SIGLEC5: variants seen among roughly 807,000 people sequenced by gnomAD.
SIGLEC5 encodes sialic acid binding Ig like lectin 5.
In SIGLEC5, 34 loss-of-function variants were observed where a neutral mutation model predicts 45.9. The ratio of observed to expected loss-of-function variants is 0.74; its 90% confidence interval spans 0.56 to 0.99. SIGLEC5 has a LOEUF of 0.99. SIGLEC5 is among the 50% of genes least tolerant of loss of function. SIGLEC5 has a pLI of 0.00. For synonymous variants in SIGLEC5, 203 were observed against 258.6 expected, an observed-to-expected ratio of 0.79 and a Z score of 2.06; for missense variants, 508 against 629.6, an observed-to-expected ratio of 0.81 and a Z score of 2.07.
At position 51,611,601 on chromosome 19, in the gene SIGLEC5, T is replaced by G. The variant is rs1288570555; in HGVS notation, c.*630A>C. On this transcript the variant is annotated 3_prime_UTR_variant, in exon 9 of 9. Transcript: ENST00000683636. ...AAAGAGTTAGACTCAACTCTTTGGC[T>G]GTTGGAAGGATTCCTATGGGTCTCA... Among the ~76,000 whole-genome samples the G allele has an allele frequency of 1.3e-5, 2 of 152,170 alleles. No homozygotes were observed. Among genetic ancestry groups the G allele is most frequent in the African/African-American group, 4.8e-5 (2 of 41,434 alleles).
rs1257244892 is a variant in SIGLEC5, at chr19:51,626,135, G to C, written c.1383-22C>G. 3.7e-6 allele frequency: 6 copies of C among 1,603,558 alleles called. No homozygotes were observed. In the African/African-American group the frequency reaches 5.4e-5, roughly 14 times the overall value. ...CACTCTAAGGAAAGAAACCAGCACA[G>C]TGCAGCTGGGACCACCCAGGCACGG... is the stretch of plus-strand genomic sequence containing the variant. On this transcript the variant is annotated intron_variant, in intron 7 of 8. Transcript: ENST00000683636.
chr19:51,613,480 A>G (rs1345658234), intron 8 of SIGLEC5, among the ~76,000 whole-genome samples: 2 of 152,020 alleles, frequency 1.3e-5, no homozygotes, highest in South Asian at 2.1e-4. Context: ...GTCAGGGTCT[A>G]TGTCTGATTT....
At chr19:51,622,347 G>A (rs1294332406) in intron 8 of SIGLEC5, among the ~76,000 whole-genome samples, 1 of 151,202 alleles carries the variant, frequency 6.6e-6, no homozygotes, top group Non-Finnish European at 1.5e-5. Flanking sequence ...CACCGTGTGA[G>A]CCAGGATGGT....
chr19:51,615,727 G>T (rs1983028341), intron 8 of SIGLEC5, among the ~76,000 whole-genome samples: 3 of 152,200 alleles, frequency 2.0e-5, no homozygotes, highest in Admixed American at 6.5e-5. Flanking sequence ...AGTGGGACTG[G>T]TTGGGTGTGG....
chr19:51,629,786 C>CG, intron 2 of SIGLEC5, 47 bp downstream of exon 2: 1 of 1,306,698 alleles, frequency 7.7e-7, no homozygotes, highest in Middle Eastern at 1.9e-4. Context: ...TGTTCTCATA[C>CG]GGGGGTCTCC....
At chr19:51,625,312 G>A (rs1983436246) in intron 8 of SIGLEC5, among the ~76,000 whole-genome samples, 2 of 152,218 alleles carry the variant, frequency 1.3e-5, no homozygotes, top group African/African-American at 4.8e-5. Flanking sequence ...GTGGCCACCT[G>A]GTGTGGGGCA....
rs76711639 is a variant in SIGLEC5 at position 51,626,073 on chromosome 19, T to G, written c.1423A>C (p.Lys475Gln). Residue 475 changes from lysine (K) to glutamine (Q), a missense_variant, in exon 8 of 9, where the codon AAA becomes CAA. Lys to Gln is a moderately conservative substitution (Grantham distance 53). Around this residue, in one of 2 missense-constraint regions of SIGLEC5, gnomAD observed 431 missense variants for 428.8 expected, o/e 1.01. Transcript: ENST00000683636. ...ATAATGGGGTCTTCATCATCCATTT[T>G]CTCTGGTCTCCCAGCTGCTTGCTTC... ...RRKQAAGRPE[K>Q]MDDEDPIMGT... is the part of the protein sequence containing the mutation. 4.5e-4 allele frequency: 734 copies of G among 1,614,016 alleles called. 3 individuals are homozygous for G. The African/African-American group carries it at 7.7e-3, about 17-fold the overall frequency.
At chr19:51,617,929 C>T (rs1424287214) in intron 8 of SIGLEC5, among the ~76,000 whole-genome samples, 1 of 151,352 alleles carries the variant, frequency 6.6e-6, no homozygotes, top group East Asian at 1.9e-4. Context: ...GATATAAAAG[C>T]GCACCAAAAT....
Position 51,627,308 on chromosome 19 carries a change from C to T in SIGLEC5, c.1283-60G>A, listed in dbSNP as rs1983521311. On this transcript the variant is annotated intron_variant, in intron 6 of 8. Transcript: ENST00000683636. ...CAGGACTCAGACTCTTGTCCTCCCACCTGCTGGGCAACTTGCTCCAGGGCC... is the reference window on the plus strand; with the variant it reads ...CAGGACTCAGACTCTTGTCCTCCCATCTGCTGGGCAACTTGCTCCAGGGCC... The T allele has an allele frequency of 9.6e-6, 15 of 1,569,334 alleles. No individual in the cohort carries two copies. In the South Asian group the frequency reaches 1.7e-4, roughly 18 times the overall value.
At chr19:51,620,511 A>G (rs1193117136) in intron 8 of SIGLEC5, among the ~76,000 whole-genome samples, 6 of 152,230 alleles carry the variant, frequency 3.9e-5, no homozygotes, top group Admixed American at 3.9e-4. Flanking sequence ...TTAAGTAGGA[A>G]AAAATCCTAT....
chr19:51,622,298 AT>A lies in SIGLEC5; in HGVS notation c.1464+3733del, dbSNP rs1364355900. 4.0e-3 allele frequency among the ~76,000 whole-genome samples: 566 copies of A among 142,810 alleles called. 1 individual carries two copies. The highest frequency in any genetic ancestry group is 4.8e-3 in the Admixed American group (68 of 14,294). The allele number at this position is 142,810 out of a possible 152,430, so 93.7% of individuals were successfully genotyped here. On this transcript the variant is annotated intron_variant, in intron 8 of 8. Coordinates refer to ENST00000683636, the MANE Select transcript of SIGLEC5 (RefSeq NM_003830.4). ...AGGTGCCCACCACCACGCCTGGCTAATTTTTTTTTTTTTTGTATTTTTAGTA... is the reference window on the plus strand; with the variant it reads ...AGGTGCCCACCACCACGCCTGGCTAATTTTTTTTTTTTTGTATTTTTAGTA...
Position 51,628,075 on chromosome 19 carries a change from T to C in SIGLEC5, c.756A>G (p.Gln252=), listed in dbSNP as rs113048597. The C allele has an allele frequency of 1.9e-3, 2,959 of 1,544,524 alleles. 4 individuals carry two copies. The highest frequency in any genetic ancestry group is 2.2e-3 in the Non-Finnish European group (2,553 of 1,145,438). Reference sequence around the variant, plus strand: ...CCAGGACCGGAAGGTATGAGGTGTTTTGCAGGATCTCTAGGGCTTTGGGGA... The same window carrying C: ...CCAGGACCGGAAGGTATGAGGTGTTCTGCAGGATCTCTAGGGCTTTGGGGA... ...FRNGIALEIL[Q]NTSYLPVLEG... The change falls in exon 5 of 9, where the codon CAA becomes CAG. Residue 252 remains glutamine, a synonymous_variant. Transcript: ENST00000683636.
chr19:51,624,341 A>G (rs1161315387), intron 8 of SIGLEC5, among the ~76,000 whole-genome samples: 1 of 152,172 alleles, frequency 6.6e-6, no homozygotes, highest in Non-Finnish European at 1.5e-5. Context: ...CATATATGTG[A>G]CAACACTAGG....
At chr19:51,625,906 G>T (rs1461851832) in intron 8 of SIGLEC5, 126 bp downstream of exon 8, 4 of 705,142 alleles carry the variant, frequency 5.7e-6, no homozygotes, top group African/African-American at 3.5e-5. Context: ...GGGATATGAA[G>T]GGGGAGAACA....
intron 8 of SIGLEC5, among the ~76,000 whole-genome samples, chr19:51,614,627 G>A (rs916010049): frequency 1.3e-4 from 20 of 152,224 alleles, no homozygotes; most frequent in Non-Finnish European, 2.6e-4. Context: ...TAGGTGTGCG[G>A]TATATGAAAT....
At position 51,627,685 on chromosome 19, in the gene SIGLEC5, G is replaced by A; in HGVS notation, c.1059C>T (p.Cys353=). Residue 353 remains cysteine (C), a synonymous_variant, in exon 6 of 9, where the codon TGC becomes TGT. Transcript: ENST00000683636. ...AGGGGGCCGGCCGGGCTCGAAAGGA[G>A]CATCTGCAGTGCAGACCCTCAGCCT... is the stretch of plus-strand genomic sequence containing the variant. The part of the protein sequence containing the change: ...SWEAEGLHCR[C]SFRARPAPSL... 1.2e-6 allele frequency: 2 copies of A among 1,610,088 alleles called. No homozygotes were observed. The highest frequency in any genetic ancestry group is 1.1e-5 in the South Asian group (1 of 90,742).
At chr19:51,628,957 C>T in intron 4 of SIGLEC5, 81 bp downstream of exon 4, 2 of 1,342,424 alleles carry the variant, frequency 1.5e-6, no homozygotes, top group Admixed American at 3.9e-5. Flanking sequence ...AATCTGATTG[C>T]ATTCAAGCTC....
At chr19:51,615,919 G>T (rs1028388221) in intron 8 of SIGLEC5, among the ~76,000 whole-genome samples, 2 of 152,204 alleles carry the variant, frequency 1.3e-5, no homozygotes, top group Admixed American at 6.5e-5. Flanking sequence ...TGGGATTACA[G>T]GCATGTGCCA....
intron 8 of SIGLEC5, among the ~76,000 whole-genome samples, chr19:51,613,954 A>G (rs946020401): frequency 6.6e-6 from 1 of 152,142 alleles, no homozygotes; most frequent in Non-Finnish European, 1.5e-5. Context: ...GCAAACCAGA[A>G]AAGAGATGGC....
Sources: gnomAD v4.1 joint callset for allele counts (sites outside exome capture counted in the v4.1 genomes callset) on GRCh38, gnomAD v4.1.1 for gene constraint, gnomAD v4.1.1 regional missense constraint, MANE v1.5 for transcripts, NCBI Gene and HGNC (gene_info 2026-07-23, HGNC 2026-07-21) for gene names.